Variants in FAM174B observed in about 807,000 individuals in gnomAD.
FAM174B encodes the protein family with sequence similarity 174 member B, also known as membrane protein FAM174B.
In FAM174B, 12 loss-of-function variants were observed where a neutral mutation model predicts 10.9. The observed-to-expected ratio is 1.10, with a 90% CI of 0.71 to 1.79. FAM174B has a LOEUF of 1.79. FAM174B is among the 40% of genes most tolerant of loss of function. FAM174B has a pLI of 0.00. For missense variants in FAM174B, 266 were observed against 233.3 expected (o/e 1.14, Z -0.91); for synonymous variants, 132 against 115.8 (o/e 1.14, Z -0.90).
intron 2 of FAM174B, among the ~76,000 whole-genome samples, chr15:92,622,047 C>T (rs971612083): frequency 6.6e-6 from 1 of 152,184 alleles, no homozygotes; most frequent in African/African-American, 2.4e-5. Context: ...GATCTGGCCA[C>T]GGCAGGCCTG....
rs138073499 is a variant in FAM174B, at chr15:92,626,870, G to A, written c.476+3344C>T. Among the ~76,000 whole-genome samples, 993 of 152,106 alleles carry A rather than the reference G, an allele frequency of 6.5e-3. 10 individuals are homozygous for A. Among genetic ancestry groups the A allele is most frequent in the African/African-American group, 0.023 (951 of 41,504 alleles). Reference sequence around the variant, plus strand: ...GATCGAGACCATCCTGGCCAACATGGTGAAACCCCGTCACCACTAAAAATA... The same window carrying A: ...GATCGAGACCATCCTGGCCAACATGATGAAACCCCGTCACCACTAAAAATA... On this transcript the variant is annotated intron_variant, in intron 2 of 2. Transcript: ENST00000327355.
intron 1 of FAM174B, among the ~76,000 whole-genome samples, chr15:92,643,201 C>T (rs1368061059): frequency 6.6e-6 from 1 of 151,798 alleles, no homozygotes; most frequent in Non-Finnish European, 1.5e-5. Context: ...CTCCTGGCAT[C>T]AAGCAATCCT....
intron 1 of FAM174B, among the ~76,000 whole-genome samples, chr15:92,652,600 A>T (rs1252048434): frequency 6.6e-6 from 1 of 152,130 alleles, no homozygotes; most frequent in Non-Finnish European, 1.5e-5. Context: ...CCTGCAGTTG[A>T]GGGAGGACAG....
At chr15:92,653,166 GCAGATCATGTCCATAAC>G (rs2050978496) in intron 1 of FAM174B, 1 of 152,090 alleles carries the variant, frequency 6.6e-6, no homozygotes, top group Non-Finnish European at 1.5e-5. Context: ...GGGAAGAGAC[GCAGATCATGTCCATAAC>G]CAGCTTCTCC....
At chr15:92,631,432 AAT>A (rs1555421174) in intron 1 of FAM174B, among the ~76,000 whole-genome samples, 2 of 39,230 alleles carry the variant, frequency 5.1e-5, no homozygotes, top group African/African-American at 2.7e-4. Flanking sequence ...TATATAATAT[AAT>A]ATATTATATA....
chr15:92,624,709 T>C lies in FAM174B; in HGVS notation c.477-5250A>G, dbSNP rs149676430. On this transcript the variant is annotated intron_variant, in intron 2 of 2. Transcript: ENST00000327355. ...GGGTGGGAAGCAGGGATTTCTAGAATGAACGTCCACACCCCCACGGGGCCA... is the reference window on the plus strand; with the variant it reads ...GGGTGGGAAGCAGGGATTTCTAGAACGAACGTCCACACCCCCACGGGGCCA... 4.2e-4 allele frequency among the ~76,000 whole-genome samples: 64 copies of C among 152,356 alleles called. No homozygotes were observed. The East Asian group carries it at 8.7e-3, about 21-fold the overall frequency.
Position 92,650,175 on chromosome 15 carries a change from T to A in FAM174B, c.344+5141A>T, listed in dbSNP as rs2050956687. On this transcript the variant is annotated intron_variant, in intron 1 of 2. Coordinates refer to ENST00000327355, the MANE Select transcript of FAM174B (RefSeq NM_207446.3). ...ATTTTCTTTTAAATAACTTTTCTTATAACAAATGTAAATACACACACAATA... is the reference window on the plus strand; with the variant it reads ...ATTTTCTTTTAAATAACTTTTCTTAAAACAAATGTAAATACACACACAATA... 2.0e-5 allele frequency among the ~76,000 whole-genome samples: 3 copies of A among 152,224 alleles called. No homozygotes were observed. In the South Asian group the frequency reaches 6.2e-4, roughly 32 times the overall value.
At chr15:92,631,164 ATAATAAT>A (rs1567044952) in intron 1 of FAM174B, among the ~76,000 whole-genome samples, 6 of 38,856 alleles carry the variant, frequency 1.5e-4, no homozygotes, top group South Asian at 9.1e-4. Context: ...TATATATTAT[ATAATAAT>A]TTATATATTA....
intron 1 of FAM174B, among the ~76,000 whole-genome samples, chr15:92,653,980 A>T (rs1233972938): frequency 3.3e-5 from 5 of 152,182 alleles, no homozygotes; most frequent in Non-Finnish European, 7.3e-5. Context: ...GTAGAGTGGG[A>T]AGAAGACAGG....
intron 2 of FAM174B, among the ~76,000 whole-genome samples, chr15:92,625,297 T>C (rs1596294515): frequency 6.6e-6 from 1 of 152,184 alleles, no homozygotes. Flanking sequence ...TCACAAGATG[T>C]TACCAGAGAG....
Position 92,624,004 on chromosome 15 carries a change from T to C in FAM174B, c.477-4545A>G, listed in dbSNP as rs544999854. On this transcript the variant is annotated intron_variant, in intron 2 of 2. Transcript: ENST00000327355. The stretch of plus-strand genomic sequence containing the variant: ...TTTTGTTTATTTGATCAGATTCCTG[T>C]TCACGTAGGCTCCATCCTCATAGAC... Among the ~76,000 whole-genome samples, 52 of 152,314 alleles carry C rather than the reference T, an allele frequency of 3.4e-4. 1 individual carries two copies. Among genetic ancestry groups the C allele is most frequent in the Admixed American group, 9.8e-4 (15 of 15,302 alleles).
intron 2 of FAM174B, among the ~76,000 whole-genome samples, chr15:92,620,510 A>C (rs539244506): frequency 1.3e-5 from 2 of 151,864 alleles, no homozygotes; most frequent in Admixed American, 1.3e-4. Flanking sequence ...AAAAATAAGC[A>C]TAAGTTTAAA....
rs925617921 is a variant in FAM174B, at chr15:92,633,606, G to A, written c.345-3261C>T. ...CACAGGCATGGGTGTGAATCTACCC[G>A]GATTCTGAACACAGGATAAAGCATG... On this transcript the variant is annotated intron_variant, in intron 1 of 2. Coordinates refer to ENST00000327355, the MANE Select transcript of FAM174B (RefSeq NM_207446.3). Among the ~76,000 whole-genome samples, 8 of 152,078 alleles carry A rather than the reference G, an allele frequency of 5.3e-5. No individual in the cohort carries two copies. The East Asian group carries it at 9.6e-4, about 18-fold the overall frequency.
chr15:92,652,466 C>A (rs550944943), intron 1 of FAM174B, among the ~76,000 whole-genome samples: 1 of 152,226 alleles, frequency 6.6e-6, no homozygotes, highest in South Asian at 2.1e-4. Context: ...TGAGCAGAGC[C>A]GAGATGGGGG....
At chr15:92,630,807 ATATT>A (rs372258632) in intron 1 of FAM174B, among the ~76,000 whole-genome samples, 5,146 of 42,114 alleles carry the variant, frequency 0.12, 10 homozygotes, top group Non-Finnish European at 0.2. Flanking sequence ...CATATTATAT[ATATT>A]TTATATATTA....
chr15:92,655,755 G>A lies in FAM174B; in HGVS notation c.-96C>T. ...GGCCTGCACCGGGGGATCCTGCGGC[G>A]GAGGCGGCTGCGCGGTGCTTGGCAG... On this transcript the variant is annotated 5_prime_UTR_variant, in exon 1 of 3. Coordinates refer to ENST00000327355, the MANE Select transcript of FAM174B (RefSeq NM_207446.3). 9.3e-7 allele frequency: 1 copy of A among 1,076,856 alleles called. No individual in the cohort carries two copies. Among genetic ancestry groups the A allele is most frequent in the Non-Finnish European group, 1.2e-6 (1 of 863,140 alleles). 66.7% of individuals were successfully genotyped at this position (1,076,856 alleles called of 1,614,324 possible).
intron 1 of FAM174B, among the ~76,000 whole-genome samples, chr15:92,635,612 G>A (rs1331301639): frequency 4.3e-5 from 6 of 140,160 alleles, no homozygotes; most frequent in South Asian, 4.5e-4. Context: ...ACAGAGTCTC[G>A]CTCTGTAGCC....
intron 1 of FAM174B, among the ~76,000 whole-genome samples, chr15:92,647,597 A>G (rs577310258): frequency 9.5e-4 from 144 of 152,310 alleles, no homozygotes; most frequent in African/African-American, 3.4e-3. Flanking sequence ...AGCATTAATA[A>G]TGAAATAGAG....
chr15:92,630,822 C>T (rs1275053093), intron 1 of FAM174B, among the ~76,000 whole-genome samples: 367 of 24,716 alleles, frequency 0.015, 30 homozygotes, highest in African/African-American at 0.028. Context: ...TTATATATTA[C>T]ATATTATATA....
Sources: gnomAD v4.1 joint callset for allele counts (sites outside exome capture counted in the v4.1 genomes callset) on GRCh38, gnomAD v4.1.1 for gene constraint, MANE v1.5 for transcripts, NCBI Gene and HGNC (gene_info 2026-07-23, HGNC 2026-07-21) for gene names.